TRPM8: variants seen among roughly 807,000 people sequenced by gnomAD.
The protein encoded by TRPM8 is TRPM8 cationic channel.
TRPM8 carries 110 observed loss-of-function variants against 133.7 expected under a neutral mutation model. The observed-to-expected ratio is 0.82, with a 90% CI of 0.70 to 0.96. TRPM8 has a LOEUF of 0.96. Among genes scored for constraint, TRPM8 ranks in the 40% least tolerant of loss-of-function variants. TRPM8 has a pLI of 0.00. For synonymous variants in TRPM8, 535 were observed against 532.3 expected (o/e 1.01, Z -0.07); for missense variants, 1,291 against 1,379.5 (o/e 0.94, Z 1.02).
chr2:233,981,402 A>G (rs1034782646), intron 18 of TRPM8, among the ~76,000 whole-genome samples: 30 of 152,112 alleles, frequency 2.0e-4, no homozygotes, highest in African/African-American at 7.0e-4. Context: ...GGCAGGGTGA[A>G]GTCCCAAGTG....
At chr2:234,015,958 A>T (rs1325763592) in intron 25 of TRPM8, among the ~76,000 whole-genome samples, 2 of 152,236 alleles carry the variant, frequency 1.3e-5, no homozygotes, top group Admixed American at 6.5e-5. Context: ...TCTAAAGGTG[A>T]TTAAAGAGTT....
At chr2:234,006,666 G>A (rs1692701278) in intron 22 of TRPM8, among the ~76,000 whole-genome samples, 187 bp from the exon 23 acceptor site, 2 of 152,148 alleles carry the variant, frequency 1.3e-5, no homozygotes, top group Admixed American at 6.5e-5. Flanking sequence ...TTCATTGTTA[G>A]GAGAAAGCCA....
In TRPM8 at chr2:234,018,845, A is replaced by AAAATAAATAAATAAATAAATAAAT. The variant is rs55805312; in HGVS notation, c.*1603_*1626dup. 5.6e-5 allele frequency: 8 copies of AAAATAAATAAATAAATAAATAAAT among 141,830 alleles called. No homozygotes were observed. Among genetic ancestry groups the AAAATAAATAAATAAATAAATAAAT allele is most frequent in the African/African-American group, 1.1e-4 (4 of 37,644 alleles). 8.8% of individuals were successfully genotyped at this position (141,830 alleles called of 1,614,324 possible). ...GGGTGACAGAGTGAGACTCCGACTG[A>AAAATAAATAAATAAATAAATAAAT]AAATAAATAAATAAATAAATAAATA... On this transcript the variant is annotated 3_prime_UTR_variant, in exon 26 of 26. Coordinates refer to ENST00000324695, the MANE Select transcript of TRPM8 (RefSeq NM_024080.5).
intron 17 of TRPM8, among the ~76,000 whole-genome samples, chr2:233,979,402 A>T (rs1389709539): frequency 6.6e-6 from 1 of 152,304 alleles, no homozygotes; most frequent in Non-Finnish European, 1.5e-5. Context: ...TTGGAATTCC[A>T]TGTGCTCTCT....
At chr2:233,943,100 A>T (rs1284538239) in intron 6 of TRPM8, 4 of 332,254 alleles carry the variant, frequency 1.2e-5, no homozygotes, top group Non-Finnish European at 2.1e-5. Flanking sequence ...ACCCACTAGG[A>T]TGGCTATGTT....
chr2:234,007,312 A>T (rs1692719979), intron 23 of TRPM8, among the ~76,000 whole-genome samples: 2 of 152,344 alleles, frequency 1.3e-5, no homozygotes, highest in South Asian at 4.1e-4. Flanking sequence ...CATTGGCATT[A>T]TCTTGCAAGT....
At position 233,989,856 on chromosome 2, in the gene TRPM8, A is replaced by G. The variant is rs1296591085; in HGVS notation, c.2939+3991A>G. ...GAAGTGAATTTAAAGTCAGTAAATG[A>G]CTCCAGGTCGACTTACCAGGAGCTA... On this transcript the variant is annotated intron_variant, in intron 21 of 25. Transcript: ENST00000324695. The surrounding 1 kb of genome is among the most constrained non-coding windows in gnomAD (Gnocchi z 4.2). 6.6e-6 allele frequency among the ~76,000 whole-genome samples: 1 copy of G among 152,034 alleles called. No homozygotes were observed. Among genetic ancestry groups the G allele is most frequent in the Non-Finnish European group, 1.5e-5 (1 of 68,008 alleles).
intron 4 of TRPM8, 137 bp downstream of exon 4, chr2:233,937,646 G>T (rs1690789136): frequency 9.4e-7 from 1 of 1,063,666 alleles, no homozygotes; most frequent in Admixed American, 2.4e-5. Flanking sequence ...TGCAGAAAAA[G>T]ATACATCTTG....
chr2:233,922,543 A>T (rs1441325514), intron 1 of TRPM8, among the ~76,000 whole-genome samples: 1 of 152,142 alleles, frequency 6.6e-6, no homozygotes, highest in East Asian at 1.9e-4. Context: ...AAACTGAAAA[A>T]AAACCTCTAC....
chr2:233,977,611 AG>A (rs1444037509), intron 17 of TRPM8, among the ~76,000 whole-genome samples: 2 of 152,218 alleles, frequency 1.3e-5, no homozygotes, highest in Admixed American at 6.5e-5. Flanking sequence ...GTTGTTGGTG[AG>A]GGGTCCCTGG....
intron 18 of TRPM8, 117 bp from the exon 19 acceptor site, chr2:233,981,657 T>C (rs1692012221): frequency 9.7e-7 from 1 of 1,030,980 alleles, no homozygotes; most frequent in Non-Finnish European, 1.4e-6. Flanking sequence ...TGGCCTATTT[T>C]CACTCACTCA....
intron 2 of TRPM8, among the ~76,000 whole-genome samples, chr2:233,930,425 TA>T (rs1691657137): frequency 1.3e-5 from 2 of 152,206 alleles, no homozygotes; most frequent in Admixed American, 1.3e-4. Flanking sequence ...ATACTGTTTA[TA>T]AATAAGATAA....
In TRPM8 at chr2:233,972,244, G is replaced by A. The variant is rs566254331; in HGVS notation, c.2355+1818G>A. Among the ~76,000 whole-genome samples the A allele has an allele frequency of 7.9e-5, 12 of 152,192 alleles. No homozygotes were observed. In the South Asian group the frequency reaches 1.0e-3, roughly 13 times the overall value. ...CCAGAGCAGCTAGATACAGAGTGTCGACTGGTGCATTCACAAACCCTGAGC... is the reference window on the plus strand; with the variant it reads ...CCAGAGCAGCTAGATACAGAGTGTCAACTGGTGCATTCACAAACCCTGAGC... On this transcript the variant is annotated intron_variant, in intron 17 of 25. Transcript: ENST00000324695.
At chr2:233,970,566 C>A in intron 17 of TRPM8, 140 bp downstream of exon 17, 1 of 788,914 alleles carries the variant, frequency 1.3e-6, no homozygotes, top group South Asian at 1.6e-5. Flanking sequence ...GGTGCTAGTC[C>A]ATGAGTGTGA....
chr2:233,944,131 T>C (rs780356765), intron 6 of TRPM8, among the ~76,000 whole-genome samples: 2 of 152,142 alleles, frequency 1.3e-5, no homozygotes, highest in Non-Finnish European at 2.9e-5. Flanking sequence ...ACCTGTATTG[T>C]TATGGGACTG....
intron 2 of TRPM8, among the ~76,000 whole-genome samples, chr2:233,928,715 G>C (rs1424760292): frequency 6.6e-6 from 1 of 152,148 alleles, no homozygotes; most frequent in Non-Finnish European, 1.5e-5. Flanking sequence ...ATGTATACAG[G>C]TGAATTTCCA....
At position 233,981,920 on chromosome 2, in the gene TRPM8, G is replaced by A. The variant is rs746144298; in HGVS notation, c.2589+5G>A. The A allele has an allele frequency of 3.7e-6, 6 of 1,603,498 alleles. No individual in the cohort carries two copies. The highest frequency in any genetic ancestry group is 4.2e-6 in the Non-Finnish European group (5 of 1,177,250). On this transcript the variant is annotated splice_donor_5th_base_variant and intron_variant, in intron 19 of 25. Transcript: ENST00000324695. ...ATTATAATGCTGCAGAGGATGGTAA[G>A]AGTCAAGAATATTTGTAGTCATCAT... is the stretch of plus-strand genomic sequence containing the variant.
At chr2:233,927,706 GTCTC>G (rs1352706961) in intron 2 of TRPM8, among the ~76,000 whole-genome samples, 1 of 149,516 alleles carries the variant, frequency 6.7e-6, no homozygotes, top group South Asian at 2.1e-4. Flanking sequence ...GACAGAGTCT[GTCTC>G]TTTCTTTCTT....
intron 22 of TRPM8, among the ~76,000 whole-genome samples, chr2:233,998,794 C>G (rs1433451763): frequency 6.6e-6 from 1 of 152,012 alleles, no homozygotes; most frequent in Non-Finnish European, 1.5e-5. Flanking sequence ...TGAGCAGATT[C>G]TACCCATTCA....
Sources: allele counts gnomAD v4.1 joint callset (sites outside exome capture counted in the v4.1 genomes callset), GRCh38; gene constraint gnomAD v4.1.1; non-coding constraint Gnocchi (gnomAD v3.1); transcripts MANE v1.5; gene names NCBI Gene and HGNC (gene_info 2026-07-23, HGNC 2026-07-21).